Variants in UBE2F observed in about 807,000 individuals in gnomAD.
The protein encoded by UBE2F is NEDD8-conjugating enzyme UBE2F.
A neutral mutation model predicts 29.6 loss-of-function variants in UBE2F; 5 were observed. The observed-to-expected ratio is 0.17, with a 90% confidence interval of 0.09 to 0.36. UBE2F has a LOEUF of 0.36. Among genes scored for constraint, UBE2F ranks in the 10% least tolerant of loss-of-function variants. UBE2F has a pLI of 1.00. For missense variants in UBE2F, 141 were observed against 228.5 expected (o/e 0.62, Z 2.47); for synonymous variants, 66 against 81.8 (o/e 0.81, Z 1.04).
At chr2:238,006,759 CTTTTTTTT>C (rs60514924) in intron 4 of UBE2F, among the ~76,000 whole-genome samples, 192 of 125,598 alleles carry the variant, frequency 1.5e-3, no homozygotes, top group African/African-American at 4.5e-3. Context: ...TTTCTTTTTT[CTTTTTTTT>C]TTTTTTTTTG....
rs2063402018 is a variant in UBE2F at position 237,982,552 on chromosome 2, G to A, written c.119-5411G>A. ...ATGACAGGAGTTATCACCCTCTACT[G>A]AGGTGGCTTGGGCCACTGCCAGAGT... On this transcript the variant is annotated intron_variant, in intron 2 of 9. Transcript: ENST00000272930. This position sits in a 1 kb window ranked among gnomAD's most constrained non-coding sequence, Gnocchi z 4.1. Among the ~76,000 whole-genome samples the A allele has an allele frequency of 6.6e-6, 1 of 152,182 alleles. No homozygotes were observed. The highest frequency in any genetic ancestry group is 2.4e-5 in the African/African-American group (1 of 41,422).
At chr2:238,000,039 G>A (rs959709622) in intron 4 of UBE2F, among the ~76,000 whole-genome samples, 1 of 152,100 alleles carries the variant, frequency 6.6e-6, no homozygotes, top group Non-Finnish European at 1.5e-5. Flanking sequence ...GGCCAGGCTG[G>A]TCTCAGTCTC....
chr2:237,971,820 T>A (rs2063182620), intron 1 of UBE2F, among the ~76,000 whole-genome samples: 1 of 152,246 alleles, frequency 6.6e-6, no homozygotes, highest in Admixed American at 6.5e-5. Context: ...TCATTAATTG[T>A]AACAAATGTA....
chr2:238,027,954 C>G (rs556525780), intron 6 of UBE2F, among the ~76,000 whole-genome samples: 1 of 152,322 alleles, frequency 6.6e-6, no homozygotes, highest in South Asian at 2.1e-4. Flanking sequence ...GTCAGAGGCT[C>G]CATGTCTGTG....
chr2:237,987,928 G>T, intron 2 of UBE2F, 35 bp from the exon 3 acceptor site: 1 of 1,242,280 alleles, frequency 8.0e-7, no homozygotes, highest in South Asian at 1.4e-5. Context: ...TGGAGTAATT[G>T]ACTAATATTA....
intron 2 of UBE2F, 111 bp from the exon 3 acceptor site, chr2:237,987,852 C>CATT (rs59213280): frequency 0.26 from 133,372 of 512,756 alleles, 17,041 homozygotes; most frequent in African/African-American, 0.37. Context: ...TCAGTTCATC[C>CATT]TTTTTTTTTT....
chr2:237,974,437 G>T (rs1190814912), intron 2 of UBE2F, among the ~76,000 whole-genome samples: 2 of 150,794 alleles, frequency 1.3e-5, no homozygotes, highest in Non-Finnish European at 2.9e-5. Context: ...TGATTTGCTC[G>T]CTTTGGCCTC....
At chr2:238,025,174 G>A (rs1576633621) in intron 5 of UBE2F, 168 bp from the exon 6 acceptor site, 2 of 632,692 alleles carry the variant, frequency 3.2e-6, no homozygotes, top group East Asian at 5.6e-5. Context: ...TGCCTCATGG[G>A]TGAGGTGAGC....
intron 1 of UBE2F, among the ~76,000 whole-genome samples, chr2:237,972,543 T>TA (rs1333144532): frequency 0.025 from 79 of 3,148 alleles, 13 homozygotes; most frequent in African/African-American, 0.087. Context: ...AATTTTAAAT[T>TA]TTTTTTTTTT....
chr2:238,019,593 C>T (rs1411270998), intron 5 of UBE2F, among the ~76,000 whole-genome samples: 3 of 150,642 alleles, frequency 2.0e-5, no homozygotes, highest in African/African-American at 7.3e-5. Flanking sequence ...CTCAAACTCT[C>T]GACCTCAGGT....
intron 3 of UBE2F, 89 bp from the exon 4 acceptor site, chr2:237,994,655 C>A: frequency 9.8e-7 from 1 of 1,025,118 alleles, no homozygotes; most frequent in Non-Finnish European, 1.5e-6. Flanking sequence ...CCTGTAGCAC[C>A]GCTAACTTTA....
At chr2:237,996,150 G>A (rs10469607) in intron 4 of UBE2F, among the ~76,000 whole-genome samples, 127,442 of 152,214 alleles carry the variant, frequency 0.84, 53,471 homozygotes, top group East Asian at 0.97. Context: ...TGCTTTCTTG[G>A]TGACTCAAGG....
At chr2:238,004,488 T>C (rs1223261747) in intron 4 of UBE2F, among the ~76,000 whole-genome samples, 1 of 152,212 alleles carries the variant, frequency 6.6e-6, no homozygotes, top group Non-Finnish European at 1.5e-5. Context: ...TAAATGTTTT[T>C]TCCTAGTCTA....
At chr2:237,990,480 G>A (rs1438799965) in intron 3 of UBE2F, 2 of 433,774 alleles carry the variant, frequency 4.6e-6, no homozygotes, top group South Asian at 1.6e-5. Context: ...GTGGCTCACT[G>A]CAGTCTCAAC....
intron 6 of UBE2F, among the ~76,000 whole-genome samples, chr2:238,026,553 C>T (rs993339588): frequency 1.6e-4 from 25 of 152,272 alleles, no homozygotes; most frequent in African/African-American, 6.0e-4. Context: ...CCTGCCTCAG[C>T]GTCCCGAGTA....
intron 2 of UBE2F, chr2:237,986,382 T>C (rs1345387923): frequency 1.2e-5 from 2 of 163,000 alleles, no homozygotes; most frequent in East Asian, 3.6e-4. Context: ...TTTAAACTCC[T>C]GGGCTCAAGC....
At chr2:238,021,817 C>G (rs1358575607) in intron 5 of UBE2F, among the ~76,000 whole-genome samples, 3 of 152,180 alleles carry the variant, frequency 2.0e-5, no homozygotes, top group Admixed American at 6.5e-5. Flanking sequence ...CAGTCCCAGC[C>G]TCGATTTGGT....
chr2:238,030,017 C>T (rs1372953325), intron 6 of UBE2F, among the ~76,000 whole-genome samples: 1 of 151,716 alleles, frequency 6.6e-6, no homozygotes, highest in African/African-American at 2.4e-5. Context: ...GCCATCACAG[C>T]TCACTGCAGC....
At chr2:237,990,740 G>A (rs2063570620) in intron 3 of UBE2F, among the ~76,000 whole-genome samples, 1 of 150,632 alleles carries the variant, frequency 6.6e-6, no homozygotes, top group South Asian at 2.1e-4. Context: ...CAACCTGGGC[G>A]ACAGAGTGAG....
Sources: gnomAD v4.1 joint callset for allele counts (sites outside exome capture counted in the v4.1 genomes callset) on GRCh38, gnomAD v4.1.1 for gene constraint, Gnocchi (gnomAD v3.1) non-coding constraint, MANE v1.5 for transcripts, NCBI Gene and HGNC (gene_info 2026-07-23, HGNC 2026-07-21) for gene names.